SRXN1: variants seen among roughly 807,000 people sequenced by gnomAD.
The protein encoded by SRXN1 is sulfiredoxin 1.
In SRXN1, 11 loss-of-function variants were observed where a neutral mutation model predicts 11.0. The observed-to-expected ratio is 1.00, with a 90% CI of 0.63 to 1.65. The LOEUF is 1.65. Ranked by LOEUF, SRXN1 falls within the 40% of genes most tolerant of loss-of-function variation. The pLI is 0.00. For synonymous variants in SRXN1, 106 were observed against 92.8 expected, an observed-to-expected ratio of 1.14 and a Z score of -0.82; for missense variants, 211 against 194.5, an observed-to-expected ratio of 1.08 and a Z score of -0.50.
Position 651,352 on chromosome 20 carries a change from G to T in SRXN1, c.210+1624C>A, listed in dbSNP as rs566912671. On this transcript the variant is annotated intron_variant, in intron 1 of 1. Coordinates refer to ENST00000381962, the MANE Select transcript of SRXN1 (RefSeq NM_080725.3). The stretch of plus-strand genomic sequence containing the variant: ...GTGTATGTAAGCAAAGGCAGAGCTG[G>T]TTCTGGCCCTCAGAGCCTACGGTTC... 4.6e-5 allele frequency among the ~76,000 whole-genome samples: 7 copies of T among 152,300 alleles called. No individual in the cohort carries two copies. In the East Asian group the frequency reaches 1.2e-3, roughly 25 times the overall value.
chr20:652,887 C>T, intron 1 of SRXN1, 89 bp downstream of exon 1: 1 of 1,308,800 alleles, frequency 7.6e-7, no homozygotes, highest in South Asian at 2.0e-5. Context: ...ACCAGTCCGT[C>T]TCGCGTCCAT....
At position 649,680 on chromosome 20, in the gene SRXN1, C is replaced by T. The variant is rs546587785; in HGVS notation, c.211-763G>A. 2.2e-3 allele frequency among the ~76,000 whole-genome samples: 318 copies of T among 143,696 alleles called. 1 individual carries two copies. The highest frequency in any genetic ancestry group is 7.9e-3 in the African/African-American group (304 of 38,278). 94.3% of individuals were successfully genotyped at this position (143,696 alleles called of 152,430 possible). ...TCGCACCATTGCACTCCAGCCTCGG[C>T]GATGGAACGAGAATCCATCTCAAAA... On this transcript the variant is annotated intron_variant, in intron 1 of 1. Coordinates refer to ENST00000381962, the MANE Select transcript of SRXN1 (RefSeq NM_080725.3).
chr20:650,495 C>T (rs73078992), intron 1 of SRXN1, among the ~76,000 whole-genome samples: 33,127 of 152,126 alleles, frequency 0.22, 4,058 homozygotes, highest in Non-Finnish European at 0.29. Context: ...TGGGGCAGGA[C>T]GGGTGCAGGG....
rs868541441 is a variant in SRXN1, at chr20:652,874, G to A, written c.210+102C>T. On this transcript the variant is annotated intron_variant, in intron 1 of 1. Transcript: ENST00000381962. ...CAGAGGCTGAGCTCCGGCTGGGCCC[G>A]GAACCAGTCCGTCTCGCGTCCATCG... 69 of 1,298,554 alleles carry A rather than the reference G, an allele frequency of 5.3e-5. No homozygotes were observed. In the Middle Eastern group the frequency reaches 3.8e-3, roughly 71 times the overall value. The allele number at this position is 1,298,554 out of a possible 1,614,324, so 80.4% of individuals were successfully genotyped here.
Position 648,036 on chromosome 20 carries a change from T to C in SRXN1, c.*678A>G. The C allele has an allele frequency of 2.2e-6, 1 of 455,556 alleles. No homozygotes were observed. The highest frequency in any genetic ancestry group is 1.6e-5 in the South Asian group (1 of 64,508). 28.2% of individuals were successfully genotyped at this position (455,556 alleles called of 1,614,324 possible). ...GGCCAAGGGCATCTAAGTGAAGATA[T>C]GCAGAGGGAGAGAGCAGGAAACAGA... On this transcript the variant is annotated 3_prime_UTR_variant, in exon 2 of 2. Coordinates refer to ENST00000381962, the MANE Select transcript of SRXN1 (RefSeq NM_080725.3).
In SRXN1 at chr20:653,021, G is replaced by C. The variant is rs1045390144; in HGVS notation, c.165C>G (p.Ser55=). 1.9e-5 allele frequency: 30 copies of C among 1,572,072 alleles called. No individual in the cohort carries two copies. Among genetic ancestry groups the C allele is most frequent in the Non-Finnish European group, 2.5e-5 (29 of 1,162,044 alleles). ...TCTGCACCTTGGCGGGGTCCAACAC[G>C]GACGGCAGCGGCCGGATGAGCACGC... ...PLSVLIRPLP[S]VLDPAKVQSL... Residue 55 remains serine, a synonymous_variant, in exon 1 of 2, where the codon TCC becomes TCG. Transcript: ENST00000381962.
At chr20:650,487 G>C (rs951434996) in intron 1 of SRXN1, among the ~76,000 whole-genome samples, 1 of 152,194 alleles carries the variant, frequency 6.6e-6, no homozygotes, top group African/African-American at 2.4e-5. Flanking sequence ...GGAAAGTCTG[G>C]GGCAGGACGG....
intron 1 of SRXN1, among the ~76,000 whole-genome samples, chr20:650,245 G>A (rs1763045670): frequency 6.6e-6 from 1 of 152,206 alleles, no homozygotes; most frequent in African/African-American, 2.4e-5. Context: ...CAGGGCACAG[G>A]GCTGGAAGGC....
Position 648,154 on chromosome 20 carries a change from C to G in SRXN1, c.*560G>C, listed in dbSNP as rs1207479765. 2.2e-6 allele frequency: 1 copy of G among 456,254 alleles called. No homozygotes were observed. Among genetic ancestry groups the G allele is most frequent in the South Asian group, 1.5e-5 (1 of 64,570 alleles). The allele number at this position is 456,254 out of a possible 1,614,324, so 28.3% of individuals were successfully genotyped here. ...CCACCCCTCCTTCCTTGAACGCAGA[C>G]ATGATTCTTGGGGATACAGCAGCCA... On this transcript the variant is annotated 3_prime_UTR_variant, in exon 2 of 2. Coordinates refer to ENST00000381962, the MANE Select transcript of SRXN1 (RefSeq NM_080725.3).
intron 1 of SRXN1, among the ~76,000 whole-genome samples, chr20:651,347 A>G (rs530282048): frequency 6.6e-6 from 1 of 152,320 alleles, no homozygotes; most frequent in South Asian, 2.1e-4. Flanking sequence ...GCAAAGGCAG[A>G]GCTGGTTCTG....
Position 652,961 on chromosome 20 carries a change from T to C in SRXN1, c.210+15A>G. 7.0e-7 allele frequency: 1 copy of C among 1,437,964 alleles called. No individual in the cohort carries two copies. The allele number at this position is 1,437,964 out of a possible 1,614,324, so 89.1% of individuals were successfully genotyped here. Reference sequence around the variant, plus strand: ...AAGCCCTCCCTCCGGTTGGCTGGACTCCCCGAGGCCTCACCCGGATCGTGT... The same window carrying C: ...AAGCCCTCCCTCCGGTTGGCTGGACCCCCCGAGGCCTCACCCGGATCGTGT... On this transcript the variant is annotated intron_variant, in intron 1 of 1. Coordinates refer to ENST00000381962, the MANE Select transcript of SRXN1 (RefSeq NM_080725.3).
In SRXN1 at chr20:653,001, A is replaced by G. The variant is rs1600466169; in HGVS notation, c.185T>C (p.Val62Ala). The change falls in exon 1 of 2, where the codon GTG becomes GCG. Residue 62 changes from valine (V) to alanine (A), a missense_variant. Coordinates refer to ENST00000381962, the MANE Select transcript of SRXN1 (RefSeq NM_080725.3). ...CCGGATCGTGTCCACGAGGCTCTGC[A>G]CCTTGGCGGGGTCCAACACGGACGG... ...PLPSVLDPAK[V>A]QSLVDTIRED... 6.4e-7 allele frequency: 1 copy of G among 1,566,422 alleles called. No homozygotes were observed. Among genetic ancestry groups the G allele is most frequent in the South Asian group, 1.2e-5 (1 of 84,344 alleles).
intron 1 of SRXN1, among the ~76,000 whole-genome samples, chr20:651,567 C>A (rs1426487794): frequency 6.6e-6 from 1 of 151,922 alleles, no homozygotes; most frequent in Non-Finnish European, 1.5e-5. Context: ...GCCTGTAATC[C>A]CAGCTACTTG....
rs187272484 is a variant in SRXN1 at position 647,526 on chromosome 20, A to G, written c.*1188T>C. The stretch of plus-strand genomic sequence containing the variant: ...AAGAAGTCTTTCAGCTTCTACTCTC[A>G]CTCTCTTTGGAATCCTGAAGCCATC... On this transcript the variant is annotated 3_prime_UTR_variant, in exon 2 of 2. Transcript: ENST00000381962. The G allele has an allele frequency of 2.5e-5, 4 of 160,618 alleles. No individual in the cohort carries two copies. Among genetic ancestry groups the G allele is most frequent in the African/African-American group, 9.7e-5 (4 of 41,352 alleles). The allele number at this position is 160,618 out of a possible 1,614,324, so 9.9% of individuals were successfully genotyped here.
In SRXN1 at chr20:648,698, G is replaced by A. The variant is rs2122308376; in HGVS notation, c.*16C>T. 6.2e-7 allele frequency: 1 copy of A among 1,613,754 alleles called. No individual in the cohort carries two copies. The highest frequency in any genetic ancestry group is 2.2e-5 in the East Asian group (1 of 44,890). On this transcript the variant is annotated 3_prime_UTR_variant, in exon 2 of 2. Transcript: ENST00000381962. Reference sequence around the variant, plus strand: ...TTCTGGGCTCTTGAAGGTGGCAGCAGGTGCCAAGGAGGCTGCTACTGCAAG... The same window carrying A: ...TTCTGGGCTCTTGAAGGTGGCAGCAAGTGCCAAGGAGGCTGCTACTGCAAG...
In SRXN1 at chr20:653,186, C is replaced by A. The variant is rs1169204396; in HGVS notation, c.-1G>T. The A allele has an allele frequency of 8.1e-7, 1 of 1,236,356 alleles. No individual in the cohort carries two copies. The highest frequency in any genetic ancestry group is 1.6e-5 in the African/African-American group (1 of 62,726). 76.6% of individuals were successfully genotyped at this position (1,236,356 alleles called of 1,614,324 possible). On this transcript the variant is annotated 5_prime_UTR_variant, in exon 1 of 2. Transcript: ENST00000381962. Reference sequence around the variant, plus strand: ...GCGTTCCTCCTGCACGCAGCCCCATCGTCGCCGCCGCCGCGGGACTCGCCG... The same window carrying A: ...GCGTTCCTCCTGCACGCAGCCCCATAGTCGCCGCCGCCGCGGGACTCGCCG...
intron 1 of SRXN1, 80 bp downstream of exon 1, chr20:652,896 A>G (rs1397865653): frequency 1.6e-5 from 21 of 1,306,742 alleles, no homozygotes; most frequent in Non-Finnish European, 2.1e-5. Flanking sequence ...TCTCGCGTCC[A>G]TCGCAGCGAC....
At chr20:649,012 T>C in intron 1 of SRXN1, 95 bp from the exon 2 acceptor site, 1 of 1,294,024 alleles carries the variant, frequency 7.7e-7, no homozygotes, top group Non-Finnish European at 1.1e-6. Flanking sequence ...CCTTATAAGG[T>C]GATCACACTG....
Position 648,859 on chromosome 20 carries a change from C to G in SRXN1, c.269G>C (p.Gly90Ala). The change falls in exon 2 of 2, where the codon GGT becomes GCT. Residue 90 changes from glycine (G) to alanine (A), a missense_variant. Coordinates refer to ENST00000381962, the MANE Select transcript of SRXN1 (RefSeq NM_080725.3). ...DVLWIKGAQG[G>A]DYFYSFGGCH... ...GCCCCCAAAGGAGTAGAAGTAGTCA[C>G]CTCCCTGGGCCCCTTTGATCCAGAG... is the stretch of plus-strand genomic sequence containing the variant. 1 of 1,614,196 alleles carries G rather than the reference C, an allele frequency of 6.2e-7. No individual in the cohort carries two copies. Among genetic ancestry groups the G allele is most frequent in the Non-Finnish European group, 8.5e-7 (1 of 1,180,042 alleles).
Sources: allele counts gnomAD v4.1 joint callset (sites outside exome capture counted in the v4.1 genomes callset), GRCh38; gene constraint gnomAD v4.1.1; transcripts MANE v1.5; gene names NCBI Gene and HGNC (gene_info 2026-07-23, HGNC 2026-07-21).